Variants in RNF220 observed in about 807,000 individuals in gnomAD.
RNF220 encodes the protein E3 ubiquitin-protein ligase RNF220.
In RNF220, 7 loss-of-function variants were observed where a neutral mutation model predicts 67.1. The observed-to-expected ratio is 0.10, with a 90% CI of 0.06 to 0.20. RNF220 has a LOEUF of 0.20. Ranked by LOEUF, RNF220 falls within the 10% of genes least tolerant of loss-of-function variation. The pLI is 1.00. For synonymous variants in RNF220, 270 were observed against 283.2 expected (o/e 0.95, Z 0.47); for missense variants, 565 against 740.3 (o/e 0.76, Z 2.75).
chr1:44,592,078 G>T (rs1194638960), intron 2 of RNF220, among the ~76,000 whole-genome samples: 1 of 152,152 alleles, frequency 6.6e-6, no homozygotes, highest in African/African-American at 2.4e-5. Context: ...ACTAAGTTTG[G>T]AAAAGGACAT....
chr1:44,546,452 A>T (rs1007196552), intron 2 of RNF220, among the ~76,000 whole-genome samples: 3 of 152,124 alleles, frequency 2.0e-5, no homozygotes, highest in Non-Finnish European at 4.4e-5. Flanking sequence ...CCCCTATATA[A>T]TATTCCACGT....
chr1:44,547,444 C>T (rs141376928), intron 2 of RNF220, among the ~76,000 whole-genome samples: 353 of 152,260 alleles, frequency 2.3e-3, no homozygotes, highest in Non-Finnish European at 4.1e-3. Context: ...CCTAACCCTG[C>T]GGTCACCCTC....
intron 2 of RNF220, among the ~76,000 whole-genome samples, chr1:44,440,618 G>A (rs1441041448): frequency 6.6e-6 from 1 of 152,076 alleles, no homozygotes; most frequent in African/African-American, 2.4e-5. Context: ...GGCAGAGCTG[G>A]GATTCAAAGA....
intron 2 of RNF220, among the ~76,000 whole-genome samples, chr1:44,466,233 C>T (rs927679682): frequency 6.6e-6 from 1 of 152,170 alleles, no homozygotes; most frequent in Non-Finnish European, 1.5e-5. Context: ...AGAAGCAACT[C>T]CTCATCCATT....
At chr1:44,518,314 A>G (rs1659620509) in intron 2 of RNF220, among the ~76,000 whole-genome samples, 1 of 152,090 alleles carries the variant, frequency 6.6e-6, no homozygotes, top group Admixed American at 6.5e-5. Flanking sequence ...AGGCCCAGCT[A>G]CTCAGGAATC....
At chr1:44,512,314 G>C (rs542507804) in intron 2 of RNF220, among the ~76,000 whole-genome samples, 1 of 152,314 alleles carries the variant, frequency 6.6e-6, no homozygotes, top group Non-Finnish European at 1.5e-5. Flanking sequence ...CCTAATTATG[G>C]GGGGAGGCGG....
chr1:44,496,805 A>G (rs552508562), intron 2 of RNF220, among the ~76,000 whole-genome samples: 70 of 152,316 alleles, frequency 4.6e-4, no homozygotes, highest in African/African-American at 1.7e-3. Context: ...GCTAAAATTA[A>G]AACTTAATCA....
intron 2 of RNF220, among the ~76,000 whole-genome samples, chr1:44,575,769 A>G (rs553737258): frequency 6.6e-6 from 1 of 152,356 alleles, no homozygotes; most frequent in South Asian, 2.1e-4. Context: ...AAATAGAACT[A>G]CCTTGCAATT....
rs1647237835 is a variant in RNF220, at chr1:44,405,377, A to ACTGCTGCTGCTGCTACTGCTGCTG, written c.-257_-256insACTGCTGCTGCTGCTGCTGCTGCT. 8.2e-6 allele frequency: 5 copies of ACTGCTGCTGCTGCTACTGCTGCTG among 611,308 alleles called. No individual in the cohort carries two copies. Among genetic ancestry groups the ACTGCTGCTGCTGCTACTGCTGCTG allele is most frequent in the Non-Finnish European group, 1.5e-5 (5 of 340,132 alleles). 37.9% of individuals were successfully genotyped at this position (611,308 alleles called of 1,614,324 possible). On this transcript the variant is annotated 5_prime_UTR_variant, in exon 1 of 15. Coordinates refer to ENST00000361799, the MANE Select transcript of RNF220 (RefSeq NM_018150.4). Reference sequence around the variant, plus strand: ...AACACAAACCCGGGGCCAGCCGCCTACTGCTGCTGCTGCTGCTGCCGCTGC... The same window carrying ACTGCTGCTGCTGCTACTGCTGCTG: ...AACACAAACCCGGGGCCAGCCGCCTACTGCTGCTGCTGCTACTGCTGCTGCTGCTGCTGCTGCTGCTGCCGCTGC...
intron 2 of RNF220, among the ~76,000 whole-genome samples, chr1:44,440,399 C>T (rs989840551): frequency 1.3e-5 from 2 of 152,176 alleles, no homozygotes; most frequent in African/African-American, 4.8e-5. Flanking sequence ...ATGAAGAGGA[C>T]ATGGCAAAGA....
At chr1:44,530,138 C>T (rs944150532) in intron 2 of RNF220, among the ~76,000 whole-genome samples, 1 of 151,656 alleles carries the variant, frequency 6.6e-6, no homozygotes, top group African/African-American at 2.4e-5. Flanking sequence ...GGTATACTAA[C>T]AAAAGTTGCA....
intron 2 of RNF220, among the ~76,000 whole-genome samples, chr1:44,564,300 A>C (rs564520684): frequency 1.3e-5 from 2 of 152,288 alleles, no homozygotes; most frequent in Admixed American, 1.3e-4. Flanking sequence ...TGGTTTACAA[A>C]GTGGGCTGAA....
chr1:44,412,675 T>C lies in RNF220; in HGVS notation c.578T>C (p.Ile193Thr). ...GKKIFAVSGLISDREASSSPE... is the reference protein window; with the variant it reads ...GKKIFAVSGLTSDREASSSPE... ...AAGATTTTTGCTGTCTCTGGCCTCA[T>C]TTCTGATCGGGAAGCCTCATCTAGC... Residue 193 changes from isoleucine (I) to threonine (T), a missense_variant, in exon 2 of 15, where the codon ATT becomes ACT. Coordinates refer to ENST00000361799, the MANE Select transcript of RNF220 (RefSeq NM_018150.4). The surrounding 1 kb of genome is among the most constrained non-coding windows in gnomAD (Gnocchi z 5.3). The C allele has an allele frequency of 6.2e-7, 1 of 1,614,186 alleles. No homozygotes were observed. The highest frequency in any genetic ancestry group is 1.1e-5 in the South Asian group (1 of 91,082).
chr1:44,568,838 G>C (rs931057672), intron 2 of RNF220, among the ~76,000 whole-genome samples: 1 of 152,208 alleles, frequency 6.6e-6, no homozygotes, highest in African/African-American at 2.4e-5. Flanking sequence ...TGGGATGGGG[G>C]ATTCCATGGG....
intron 2 of RNF220, among the ~76,000 whole-genome samples, chr1:44,435,212 A>G (rs963126628): frequency 2.0e-5 from 3 of 152,206 alleles, no homozygotes; most frequent in South Asian, 2.1e-4. Flanking sequence ...GTGCTAGTCC[A>G]AGAACATTGA....
At chr1:44,538,433 T>C (rs1661406732) in intron 2 of RNF220, among the ~76,000 whole-genome samples, 1 of 152,238 alleles carries the variant, frequency 6.6e-6, no homozygotes, top group African/African-American at 2.4e-5. Context: ...AAGATTGGTC[T>C]ACACTTTCTC....
intron 2 of RNF220, among the ~76,000 whole-genome samples, chr1:44,572,420 G>A (rs906021509): frequency 3.9e-5 from 6 of 152,154 alleles, no homozygotes; most frequent in African/African-American, 9.7e-5. Flanking sequence ...ATGGCACCCC[G>A]CCACTGCTCT....
At chr1:44,552,211 T>G (rs1230523756) in intron 2 of RNF220, among the ~76,000 whole-genome samples, 1 of 152,162 alleles carries the variant, frequency 6.6e-6, no homozygotes, top group Non-Finnish European at 1.5e-5. Context: ...CTCAGATGTG[T>G]CCATCATGAA....
chr1:44,646,932 G>GA (rs1644667965), intron 12 of RNF220, among the ~76,000 whole-genome samples: 1 of 152,192 alleles, frequency 6.6e-6, no homozygotes. Context: ...GCTCCTCCAG[G>GA]AATCTCCCCA....
Sources: allele counts gnomAD v4.1 joint callset (sites outside exome capture counted in the v4.1 genomes callset), GRCh38; gene constraint gnomAD v4.1.1; non-coding constraint Gnocchi (gnomAD v3.1); transcripts MANE v1.5; gene names NCBI Gene and HGNC (gene_info 2026-07-23, HGNC 2026-07-21).